BICC1: variants seen among roughly 807,000 people sequenced by gnomAD.
The protein encoded by BICC1 is protein bicaudal C homolog 1.
A neutral mutation model predicts 111.0 loss-of-function variants in BICC1; 43 were observed. That is an observed-to-expected ratio of 0.39 (90% confidence interval 0.30 to 0.50). The LOEUF is 0.50. Among genes scored for constraint, BICC1 ranks in the 20% least tolerant of loss-of-function variants. BICC1 has a pLI of 0.88. For missense variants in BICC1, 1,091 were observed against 1,203.2 expected (o/e 0.91, Z 1.38); for synonymous variants, 467 against 434.4 (o/e 1.07, Z -0.93).
At position 58,718,008 on chromosome 10, in the gene BICC1, G is replaced by C. The variant is rs147708815; in HGVS notation, c.307+15865G>C. On this transcript the variant is annotated intron_variant, in intron 3 of 20. Transcript: ENST00000373886. ...TGCACTTTCTTAATAGAAAAGTTGAGCATTGTTTAATCTGTTTGTGGAACA... is the reference window on the plus strand; with the variant it reads ...TGCACTTTCTTAATAGAAAAGTTGACCATTGTTTAATCTGTTTGTGGAACA... Among the ~76,000 whole-genome samples, 164 of 152,288 alleles carry C rather than the reference G, an allele frequency of 1.1e-3. 1 individual carries two copies. The highest frequency in any genetic ancestry group is 3.9e-3 in the African/African-American group (163 of 41,556).
At chr10:58,595,888 A>G (rs912176664) in intron 1 of BICC1, among the ~76,000 whole-genome samples, 3 of 152,218 alleles carry the variant, frequency 2.0e-5, no homozygotes, top group South Asian at 2.1e-4. Flanking sequence ...GGATATAGAG[A>G]CATGAAAAAC....
Position 58,519,998 on chromosome 10 carries a change from G to A in BICC1, c.190+6665G>A, listed in dbSNP as rs537520248. Among the ~76,000 whole-genome samples the A allele has an allele frequency of 2.6e-5, 4 of 152,222 alleles. No individual in the cohort carries two copies. The South Asian group carries it at 6.2e-4, about 24-fold the overall frequency. ...ACAGGTTCAGTGTAGTTCATGCCTCGCCCTTTTGGCTTTTCATAGATTGGT... is the reference window on the plus strand; with the variant it reads ...ACAGGTTCAGTGTAGTTCATGCCTCACCCTTTTGGCTTTTCATAGATTGGT... On this transcript the variant is annotated intron_variant, in intron 1 of 20. Coordinates refer to ENST00000373886, the MANE Select transcript of BICC1 (RefSeq NM_001080512.3).
intron 1 of BICC1, among the ~76,000 whole-genome samples, chr10:58,619,754 A>G (rs549044715): frequency 6.6e-6 from 1 of 152,232 alleles, no homozygotes; most frequent in Non-Finnish European, 1.5e-5. Context: ...CTTTCACTTA[A>G]CAATGTCAAA....
chr10:58,527,188 A>G (rs566253369), intron 1 of BICC1, among the ~76,000 whole-genome samples: 47 of 152,064 alleles, frequency 3.1e-4, no homozygotes, highest in East Asian at 7.8e-4. Flanking sequence ...GTGATGATGA[A>G]CATTTTTTCA....
intron 2 of BICC1, among the ~76,000 whole-genome samples, chr10:58,683,024 A>T (rs563179663): frequency 3.3e-5 from 5 of 152,070 alleles, no homozygotes; most frequent in African/African-American, 4.8e-5. Flanking sequence ...AGGTCTAACA[A>T]TTAAGTCTTT....
chr10:58,792,237 G>A (rs1843204189), intron 8 of BICC1, among the ~76,000 whole-genome samples: 1 of 151,976 alleles, frequency 6.6e-6, no homozygotes, highest in African/African-American at 2.4e-5. Flanking sequence ...TAGATCAGAG[G>A]CTGTGAGTAG....
intron 2 of BICC1, among the ~76,000 whole-genome samples, chr10:58,644,143 T>G (rs1294586833): frequency 6.6e-6 from 1 of 152,210 alleles, no homozygotes; most frequent in Non-Finnish European, 1.5e-5. Flanking sequence ...TTATTATTGC[T>G]AATAATTATT....
chr10:58,823,564 A>G, intron 20 of BICC1: 1 of 984,900 alleles, frequency 1.0e-6, no homozygotes, highest in Non-Finnish European at 1.2e-6. Context: ...TCTTTTCAGA[A>G]TAAAGTTTTT....
chr10:58,828,387 C>G (rs938094973), intron 20 of BICC1, among the ~76,000 whole-genome samples: 2 of 152,166 alleles, frequency 1.3e-5, no homozygotes, highest in Admixed American at 6.5e-5. Flanking sequence ...TTAGCTTGTT[C>G]TCCTTGCCTC....
chr10:58,722,873 A>G (rs1223315507), intron 3 of BICC1, among the ~76,000 whole-genome samples: 1 of 150,476 alleles, frequency 6.6e-6, no homozygotes, highest in African/African-American at 2.4e-5. Context: ...TAGATTGACA[A>G]TAGAGGAAAT....
At chr10:58,583,460 A>G (rs1228830172) in intron 1 of BICC1, among the ~76,000 whole-genome samples, 2 of 151,904 alleles carry the variant, frequency 1.3e-5, no homozygotes, top group African/African-American at 2.4e-5. Flanking sequence ...GTGAGAACAT[A>G]ACGATGTTTG....
intron 2 of BICC1, among the ~76,000 whole-genome samples, chr10:58,700,713 G>T (rs190041021): frequency 1.3e-5 from 2 of 152,322 alleles, no homozygotes; most frequent in Non-Finnish European, 2.9e-5. Flanking sequence ...ATGATGGCAA[G>T]TGGCCTTTGA....
intron 1 of BICC1, among the ~76,000 whole-genome samples, chr10:58,560,814 C>T (rs899076765): frequency 6.6e-6 from 1 of 151,980 alleles, no homozygotes; most frequent in Non-Finnish European, 1.5e-5. Flanking sequence ...CTCTACTGGA[C>T]TCTACTGGTG....
chr10:58,727,692 AAATAT>A (rs925307408), intron 3 of BICC1, among the ~76,000 whole-genome samples: 1 of 152,176 alleles, frequency 6.6e-6, no homozygotes. Flanking sequence ...TTTGTATTGA[AAATAT>A]AATCTTTAGA....
At chr10:58,566,147 G>GAT (rs1843747267) in intron 1 of BICC1, among the ~76,000 whole-genome samples, 1 of 113,332 alleles carries the variant, frequency 8.8e-6, no homozygotes, top group African/African-American at 2.8e-5. Context: ...CTAATTCAAT[G>GAT]ATGTGTGTGT....
intron 2 of BICC1, among the ~76,000 whole-genome samples, chr10:58,698,872 A>C (rs1392563476): frequency 1.3e-5 from 2 of 152,338 alleles, no homozygotes; most frequent in Non-Finnish European, 2.9e-5. Context: ...CAGCACCCCT[A>C]GAAAGCAGCA....
At chr10:58,760,608 G>A (rs946553011) in intron 3 of BICC1, among the ~76,000 whole-genome samples, 1 of 151,972 alleles carries the variant, frequency 6.6e-6, no homozygotes, top group African/African-American at 2.4e-5. Flanking sequence ...AATTTTCTGG[G>A]AAAATAAAAA....
intron 1 of BICC1, among the ~76,000 whole-genome samples, chr10:58,572,217 G>A (rs1407437324): frequency 6.6e-6 from 1 of 151,928 alleles, no homozygotes; most frequent in Non-Finnish European, 1.5e-5. Context: ...TATAGATGCT[G>A]GATATTAGAT....
At chr10:58,820,964 T>C (rs80231299) in intron 20 of BICC1, among the ~76,000 whole-genome samples, 1,690 of 152,244 alleles carry the variant, frequency 0.011, 40 homozygotes, top group African/African-American at 0.039. Flanking sequence ...ATAGAATTTA[T>C]GAGTCACAGG....
Sources: gnomAD v4.1 joint callset for allele counts (sites outside exome capture counted in the v4.1 genomes callset) on GRCh38, gnomAD v4.1.1 for gene constraint, MANE v1.5 for transcripts, NCBI Gene and HGNC (gene_info 2026-07-23, HGNC 2026-07-21) for gene names.